KIF6: variants seen among roughly 807,000 people sequenced by gnomAD.
KIF6 encodes kinesin family member 6.
A neutral mutation model predicts 112.7 loss-of-function variants in KIF6; 106 were observed. That is an observed-to-expected ratio of 0.94 (90% CI 0.80 to 1.11). The LOEUF is 1.11. KIF6 is among the 50% of genes least tolerant of loss of function. The probability of loss-of-function intolerance (pLI) is 0.00; values close to 1 mark genes in which losing one functional copy is unlikely to be tolerated. For missense variants in KIF6, 929 were observed against 964.0 expected, an observed-to-expected ratio of 0.96 and a Z score of 0.48; for synonymous variants, 339 against 339.9, an observed-to-expected ratio of 1.00 and a Z score of 0.03.
intron 19 of KIF6, among the ~76,000 whole-genome samples, chr6:39,356,099 G>A (rs1472552770): frequency 6.6e-6 from 1 of 151,392 alleles, no homozygotes; most frequent in African/African-American, 2.4e-5. Flanking sequence ...TGGTTTTTGG[G>A]GACCTTGACA....
chr6:39,602,242 G>A (rs987597678), intron 6 of KIF6, among the ~76,000 whole-genome samples: 7 of 151,992 alleles, frequency 4.6e-5, no homozygotes, highest in Admixed American at 1.3e-4. Context: ...TTCGGAAAAT[G>A]GAGAATAGAC....
intron 14 of KIF6, among the ~76,000 whole-genome samples, chr6:39,421,736 G>T (rs1471900048): frequency 6.6e-6 from 1 of 152,154 alleles, no homozygotes; most frequent in Non-Finnish European, 1.5e-5. Flanking sequence ...GGCTGTTCAG[G>T]CTCATCGTAG....
At chr6:39,573,815 T>C (rs1780774381) in intron 10 of KIF6, among the ~76,000 whole-genome samples, 2 of 152,244 alleles carry the variant, frequency 1.3e-5, no homozygotes, top group Admixed American at 1.3e-4. Context: ...ACATCATTAC[T>C]TGTGCTCATG....
intron 15 of KIF6, among the ~76,000 whole-genome samples, chr6:39,391,237 C>G (rs1468006331): frequency 6.6e-6 from 1 of 152,154 alleles, no homozygotes; most frequent in Non-Finnish European, 1.5e-5. Flanking sequence ...AGGCCTTGAA[C>G]TTGCAAAGCA....
Position 39,420,011 on chromosome 6 carries a change from G to C in KIF6, c.1755-8C>G. On this transcript the variant is annotated splice_region_variant and splice_polypyrimidine_tract_variant and intron_variant, in intron 14 of 22. Transcript: ENST00000287152. ...GCCTTGGCTTCAGAAAATCTGGAGG[G>C]GAAAAAAATGAAAATTGTAGTTTTT... 1 of 1,603,958 alleles carries C rather than the reference G, an allele frequency of 6.2e-7. No individual in the cohort carries two copies. Among genetic ancestry groups the C allele is most frequent in the Non-Finnish European group, 8.5e-7 (1 of 1,172,222 alleles).
intron 13 of KIF6, among the ~76,000 whole-genome samples, chr6:39,514,070 T>G (rs1020494465): frequency 3.9e-5 from 6 of 152,238 alleles, no homozygotes; most frequent in Admixed American, 6.5e-5. Context: ...TGTAATTTGC[T>G]GTGATTGATT....
intron 19 of KIF6, among the ~76,000 whole-genome samples, chr6:39,350,230 C>A (rs566226592): frequency 1.2e-4 from 19 of 152,128 alleles, no homozygotes; most frequent in African/African-American, 4.3e-4. Flanking sequence ...TGGTGGGAAG[C>A]ACATAAAGAA....
chr6:39,637,426 C>T (rs1784678500), intron 4 of KIF6, among the ~76,000 whole-genome samples: 1 of 151,914 alleles, frequency 6.6e-6, no homozygotes, highest in African/African-American at 2.4e-5. Context: ...TTTCTCCTGC[C>T]CCAAAACAAG....
At chr6:39,704,668 A>G (rs1376541280) in intron 3 of KIF6, among the ~76,000 whole-genome samples, 2 of 152,154 alleles carry the variant, frequency 1.3e-5, no homozygotes, top group Non-Finnish European at 2.9e-5. Flanking sequence ...TAACTTGCCC[A>G]AGGACATAGA....
chr6:39,672,798 A>G (rs1484077816), intron 3 of KIF6, among the ~76,000 whole-genome samples: 1 of 152,124 alleles, frequency 6.6e-6, no homozygotes, highest in Non-Finnish European at 1.5e-5. Context: ...TTATGACCTC[A>G]TTTAACCTTA....
At chr6:39,486,650 T>C (rs1775132608) in intron 13 of KIF6, among the ~76,000 whole-genome samples, 1 of 152,256 alleles carries the variant, frequency 6.6e-6, no homozygotes, top group Non-Finnish European at 1.5e-5. Context: ...TGCCGCAAAC[T>C]CTACATATGT....
chr6:39,489,836 C>G (rs961055671), intron 13 of KIF6, among the ~76,000 whole-genome samples: 1 of 152,100 alleles, frequency 6.6e-6, no homozygotes, highest in Non-Finnish European at 1.5e-5. Context: ...TTCTTTAGAG[C>G]AGCGCACAGA....
At chr6:39,639,869 G>A in intron 3 of KIF6, 112 bp from the exon 4 acceptor site, 2 of 872,000 alleles carry the variant, frequency 2.3e-6, no homozygotes, top group Non-Finnish European at 3.4e-6. Flanking sequence ...AAACTTTATA[G>A]AAATATCTAT....
At chr6:39,578,998 A>G (rs1185840208) in intron 9 of KIF6, among the ~76,000 whole-genome samples, 1 of 152,158 alleles carries the variant, frequency 6.6e-6, no homozygotes, top group African/African-American at 2.4e-5. Context: ...CCTGTTGATG[A>G]ACATTTAGGA....
intron 3 of KIF6, among the ~76,000 whole-genome samples, chr6:39,662,649 G>A (rs1471708540): frequency 1.3e-5 from 2 of 152,162 alleles, no homozygotes; most frequent in African/African-American, 2.4e-5. Context: ...TAAGGCAGAA[G>A]GATTGCTTGA....
intron 3 of KIF6, among the ~76,000 whole-genome samples, chr6:39,695,694 C>T (rs1219601388): frequency 2.0e-5 from 3 of 152,100 alleles, no homozygotes; most frequent in Non-Finnish European, 4.4e-5. Flanking sequence ...CTACACTGTT[C>T]ATGGGAATGC....
intron 3 of KIF6, among the ~76,000 whole-genome samples, chr6:39,656,380 T>A (rs932075736): frequency 3.3e-5 from 5 of 152,338 alleles, no homozygotes; most frequent in Non-Finnish European, 7.3e-5. Context: ...TAGTTTCATG[T>A]CCCTCAAATT....
intron 13 of KIF6, among the ~76,000 whole-genome samples, chr6:39,500,976 C>A (rs145763988): frequency 5.3e-5 from 8 of 151,980 alleles, no homozygotes; most frequent in Non-Finnish European, 8.8e-5. Flanking sequence ...CTGCAGTTTG[C>A]GGAACTCATG....
In KIF6 at chr6:39,596,200, T is replaced by C. The variant is rs1484325173; in HGVS notation, c.700A>G (p.Lys234Glu). Residue 234 changes from lysine to glutamate, a missense_variant, in exon 7 of 23, where the codon AAG (lysine) becomes GAG (glutamate). Coordinates refer to ENST00000287152, the MANE Select transcript of KIF6 (RefSeq NM_145027.6). ...CGTACAGTTGCAGATCCTGGTTCCTTGCTTGACAAATGAATGGTGAAAATG... is the reference window on the plus strand; with the variant it reads ...CGTACAGTTGCAGATCCTGGTTCCTCGCTTGACAAATGAATGGTGAAAATG... ...HCIFTIHLSSKEPGSATVRHA... is the reference protein window; with the variant it reads ...HCIFTIHLSSEEPGSATVRHA... The C allele has an allele frequency of 6.2e-7, 1 of 1,614,006 alleles. No homozygotes were observed. The highest frequency in any genetic ancestry group is 1.3e-5 in the African/African-American group (1 of 74,924).
Sources: allele counts gnomAD v4.1 joint callset (sites outside exome capture counted in the v4.1 genomes callset), GRCh38; gene constraint gnomAD v4.1.1; transcripts MANE v1.5; gene names NCBI Gene and HGNC (gene_info 2026-07-23, HGNC 2026-07-21).